The following COL23A1 variants were observed in gnomAD, a reference collection of about 807,000 sequenced individuals.
The protein encoded by COL23A1 is collagen type XXIII alpha 1 chain.
In COL23A1, 97 loss-of-function variants were observed where a neutral mutation model predicts 99.3. That is an observed-to-expected ratio of 0.98 (90% CI 0.83 to 1.16). The LOEUF (loss-of-function observed/expected upper bound fraction) is 1.16. Among genes scored for constraint, COL23A1 ranks in the 50% most tolerant of loss-of-function variants. The pLI is 0.00. For synonymous variants in COL23A1, 320 were observed against 308.2 expected (o/e 1.04, Z -0.40); for missense variants, 762 against 757.4 (o/e 1.01, Z -0.07).
intron 1 of COL23A1, among the ~76,000 whole-genome samples, 175 bp from the exon 2 acceptor site, chr5:178,560,923 G>A (rs1432448965): frequency 6.6e-6 from 1 of 152,224 alleles, no homozygotes; most frequent in East Asian, 1.9e-4. Flanking sequence ...ATTTTAGAAT[G>A]AGGAAAAACA....
chr5:178,241,361 G>T (rs1764388277), intron 27 of COL23A1, among the ~76,000 whole-genome samples: 1 of 152,142 alleles, frequency 6.6e-6, no homozygotes, highest in Admixed American at 6.5e-5. Flanking sequence ...GGTAGGCAGA[G>T]GGGATGTGGG....
At chr5:178,321,433 C>T (rs2127627692) in intron 2 of COL23A1, among the ~76,000 whole-genome samples, 1 of 151,468 alleles carries the variant, frequency 6.6e-6, no homozygotes, top group South Asian at 2.1e-4. Context: ...GCATGGTGTC[C>T]TCAAGGTCCA....
intron 2 of COL23A1, among the ~76,000 whole-genome samples, chr5:178,526,359 G>A (rs1200478882): frequency 6.6e-6 from 1 of 152,192 alleles, no homozygotes; most frequent in African/African-American, 2.4e-5. Flanking sequence ...CAGGCTCACG[G>A]GACATGTAGC....
intron 2 of COL23A1, among the ~76,000 whole-genome samples, chr5:178,476,185 C>A (rs1169902813): frequency 2.0e-5 from 3 of 152,194 alleles, no homozygotes; most frequent in Non-Finnish European, 2.9e-5. Context: ...TGCTACTCCA[C>A]AAATAATAGG....
chr5:178,523,192 A>G (rs1760077335), intron 2 of COL23A1, among the ~76,000 whole-genome samples: 1 of 84,324 alleles, frequency 1.2e-5, no homozygotes, highest in African/African-American at 3.9e-5. Flanking sequence ...ATATATATAT[A>G]TATATATATA....
intron 1 of COL23A1, among the ~76,000 whole-genome samples, chr5:178,575,362 C>A (rs1037143203): frequency 5.3e-5 from 8 of 151,006 alleles, no homozygotes; most frequent in African/African-American, 1.9e-4. Flanking sequence ...GGAGTGGCCC[C>A]TCTTCAAAGA....
intron 2 of COL23A1, among the ~76,000 whole-genome samples, chr5:178,354,784 T>G (rs551855190): frequency 6.6e-6 from 1 of 152,228 alleles, no homozygotes; most frequent in South Asian, 2.1e-4. Context: ...AGGTTGGGTG[T>G]GGTGGCTCAT....
chr5:178,567,744 G>A (rs991634296), intron 1 of COL23A1, among the ~76,000 whole-genome samples: 5 of 152,100 alleles, frequency 3.3e-5, no homozygotes, highest in Admixed American at 2.6e-4. Context: ...GCCAAAGCTG[G>A]AACAATTTAA....
Position 178,266,214 on chromosome 5 carries a change from T to A in COL23A1, c.522+1093A>T, listed in dbSNP as rs1380859408. On this transcript the variant is annotated intron_variant, in intron 8 of 28. Coordinates refer to ENST00000390654, the MANE Select transcript of COL23A1 (RefSeq NM_173465.4). ...CACCTCCACACCCGGCTAATTTTTG[T>A]ATTTTTAGTAGAGATGGGGTTTCAC... Among the ~76,000 whole-genome samples, 27 of 152,096 alleles carry A rather than the reference T, an allele frequency of 1.8e-4. 1 individual carries two copies. The highest frequency in any genetic ancestry group is 1.8e-3 in the Admixed American group (27 of 15,270).
At chr5:178,295,867 T>C (rs1007392406) in intron 3 of COL23A1, among the ~76,000 whole-genome samples, 4 of 152,198 alleles carry the variant, frequency 2.6e-5, no homozygotes, top group African/African-American at 9.7e-5. Flanking sequence ...TAGAATGGCA[T>C]GTAGTAAAAA....
At chr5:178,319,726 C>T (rs1453514579) in intron 2 of COL23A1, among the ~76,000 whole-genome samples, 1 of 152,206 alleles carries the variant, frequency 6.6e-6, no homozygotes, top group Non-Finnish European at 1.5e-5. Context: ...TTTTAACTTC[C>T]ACGTCTCCTG....
chr5:178,399,662 T>A (rs896970791), intron 2 of COL23A1, among the ~76,000 whole-genome samples: 1 of 151,742 alleles, frequency 6.6e-6, no homozygotes, highest in Admixed American at 6.6e-5. Context: ...GTGGGGAGGG[T>A]AGCAAAACAA....
At chr5:178,364,908 C>A (rs1762379159) in intron 2 of COL23A1, among the ~76,000 whole-genome samples, 1 of 152,228 alleles carries the variant, frequency 6.6e-6, no homozygotes. Context: ...GCAGGCACAG[C>A]CAGCATTTCC....
At chr5:178,564,507 C>A (rs1353718607) in intron 1 of COL23A1, among the ~76,000 whole-genome samples, 1 of 152,026 alleles carries the variant, frequency 6.6e-6, no homozygotes, top group Non-Finnish European at 1.5e-5. Flanking sequence ...TCTGGCAGCA[C>A]CCCCAGCATC....
At chr5:178,363,448 G>C (rs1303763073) in intron 2 of COL23A1, among the ~76,000 whole-genome samples, 1 of 152,188 alleles carries the variant, frequency 6.6e-6, no homozygotes, top group Non-Finnish European at 1.5e-5. Context: ...CATTCATTCA[G>C]TATCTATTGA....
chr5:178,246,097 A>G (rs1333564637), intron 24 of COL23A1, 129 bp from the exon 25 acceptor site: 20 of 1,319,866 alleles, frequency 1.5e-5, no homozygotes, highest in Non-Finnish European at 1.8e-5. Context: ...ACGCAGGCAT[A>G]GATGGAGGCC....
chr5:178,315,365 G>T (rs188339882), intron 2 of COL23A1, among the ~76,000 whole-genome samples: 21 of 152,282 alleles, frequency 1.4e-4, no homozygotes, highest in Non-Finnish European at 2.4e-4. Context: ...AGCAGGCCAC[G>T]TGCTGGGGGC....
intron 2 of COL23A1, among the ~76,000 whole-genome samples, chr5:178,550,693 A>T (rs1761951639): frequency 6.6e-6 from 1 of 152,072 alleles, no homozygotes; most frequent in South Asian, 2.1e-4. Flanking sequence ...ACTGCACTGA[A>T]CCTGTCCCCC....
intron 2 of COL23A1, among the ~76,000 whole-genome samples, chr5:178,551,628 A>G (rs969356681): frequency 2.5e-4 from 38 of 152,272 alleles, no homozygotes; most frequent in African/African-American, 8.7e-4. Context: ...TGCCTCTCAC[A>G]GCTGTTCCCG....
Sources: allele counts gnomAD v4.1 joint callset (sites outside exome capture counted in the v4.1 genomes callset), GRCh38; gene constraint gnomAD v4.1.1; transcripts MANE v1.5; gene names NCBI Gene and HGNC (gene_info 2026-07-23, HGNC 2026-07-21).